The following KCNN2 variants were observed in gnomAD, a reference collection of about 807,000 sequenced individuals.
KCNN2 encodes small conductance calcium-activated potassium channel protein 2.
Under a neutral mutation model 55.5 loss-of-function variants are expected in KCNN2, and 24 were observed. That is an observed-to-expected ratio of 0.43 (90% confidence interval 0.31 to 0.61). The LOEUF (loss-of-function observed/expected upper bound fraction) is 0.61, where lower values mean the gene tolerates loss of function less well. Ranked by LOEUF, KCNN2 falls within the 20% of genes least tolerant of loss-of-function variation. The pLI is 0.08. For synonymous variants in KCNN2, 431 were observed against 336.1 expected (o/e 1.28, Z -3.09); for missense variants, 754 against 853.6 (o/e 0.88, Z 1.45).
At chr5:114,445,636 A>G (rs1336064055) in intron 3 of KCNN2, among the ~76,000 whole-genome samples, 2 of 152,242 alleles carry the variant, frequency 1.3e-5, no homozygotes, top group Non-Finnish European at 2.9e-5. Context: ...TAAAAAGATC[A>G]TCTCTATATG....
intron 2 of KCNN2, among the ~76,000 whole-genome samples, chr5:114,247,363 G>A (rs1754768687): frequency 6.6e-6 from 1 of 151,944 alleles, no homozygotes; most frequent in African/African-American, 2.4e-5. Context: ...GTCCATAAAT[G>A]TTCATGAAGT....
At chr5:114,125,246 T>A (rs560458541) in intron 1 of KCNN2, among the ~76,000 whole-genome samples, 1 of 152,214 alleles carries the variant, frequency 6.6e-6, no homozygotes, top group African/African-American at 2.4e-5. Flanking sequence ...CTCCAGTGTT[T>A]ACCCACCATC....
chr5:114,424,636 G>C (rs906192190), intron 3 of KCNN2, among the ~76,000 whole-genome samples: 16 of 152,204 alleles, frequency 1.1e-4, no homozygotes, highest in African/African-American at 3.9e-4. Flanking sequence ...CCAGGCACTG[G>C]AAACAGGAAA....
At chr5:114,238,927 A>G (rs1312119251) in intron 2 of KCNN2, among the ~76,000 whole-genome samples, 1 of 152,106 alleles carries the variant, frequency 6.6e-6, no homozygotes, top group East Asian at 1.9e-4. Context: ...TTTGAGCTTG[A>G]TGATAATGTC....
chr5:114,201,127 AC>A (rs1185034628), intron 1 of KCNN2, among the ~76,000 whole-genome samples: 6 of 151,778 alleles, frequency 4.0e-5, no homozygotes, highest in Non-Finnish European at 7.4e-5. Context: ...ATGCACTGGG[AC>A]CCAAGCAGTC....
chr5:114,369,112 G>T (rs1757689053), intron 2 of KCNN2, among the ~76,000 whole-genome samples: 1 of 152,098 alleles, frequency 6.6e-6, no homozygotes, highest in Non-Finnish European at 1.5e-5. Context: ...GAAAGGTATT[G>T]CCCACTAGTC....
chr5:114,122,780 A>C (rs1751851206), intron 1 of KCNN2, among the ~76,000 whole-genome samples: 1 of 152,228 alleles, frequency 6.6e-6, no homozygotes, highest in Admixed American at 6.5e-5. Context: ...GGATAGAGAG[A>C]GCAGGAGACA....
At chr5:114,373,224 G>T (rs1164698715) in intron 2 of KCNN2, among the ~76,000 whole-genome samples, 1 of 151,892 alleles carries the variant, frequency 6.6e-6, no homozygotes, top group African/African-American at 2.4e-5. Context: ...GCTTCCCTGT[G>T]GACTCCTCTA....
At chr5:114,167,547 A>G (rs1752940319) in intron 1 of KCNN2, among the ~76,000 whole-genome samples, 1 of 152,056 alleles carries the variant, frequency 6.6e-6, no homozygotes, top group Admixed American at 6.6e-5. Flanking sequence ...AGTTTATCCT[A>G]CTTAAGGCTA....
intron 1 of KCNN2, among the ~76,000 whole-genome samples, chr5:114,137,620 A>C (rs1034550053): frequency 1.3e-5 from 2 of 152,166 alleles, no homozygotes; most frequent in African/African-American, 4.8e-5. Context: ...TTAGAGTGGC[A>C]ATAATTCTTA....
chr5:114,297,749 A>T (rs928431303), intron 2 of KCNN2, among the ~76,000 whole-genome samples: 2 of 152,218 alleles, frequency 1.3e-5, no homozygotes, highest in Non-Finnish European at 2.9e-5. Flanking sequence ...TATAATATTG[A>T]TTTAGACATT....
chr5:114,210,988 G>T (rs1463552450), intron 1 of KCNN2, among the ~76,000 whole-genome samples: 1 of 151,992 alleles, frequency 6.6e-6, no homozygotes, highest in African/African-American at 2.4e-5. Flanking sequence ...GATCATTAGA[G>T]AAATGCAAAT....
At chr5:114,438,196 A>G (rs773710515) in intron 3 of KCNN2, among the ~76,000 whole-genome samples, 1 of 152,194 alleles carries the variant, frequency 6.6e-6, no homozygotes, top group Non-Finnish European at 1.5e-5. Context: ...AGTAGAACAC[A>G]CTTACTATAT....
chr5:114,342,406 A>G (rs1413847243), intron 2 of KCNN2, among the ~76,000 whole-genome samples: 2 of 152,282 alleles, frequency 1.3e-5, no homozygotes, highest in African/African-American at 4.8e-5. Context: ...GACAAGAATT[A>G]TAAAAATTCT....
chr5:114,488,011 A>T (rs1321569385), intron 6 of KCNN2, among the ~76,000 whole-genome samples: 3 of 152,222 alleles, frequency 2.0e-5, no homozygotes, highest in Admixed American at 6.6e-5. Context: ...CTCAGAGCCA[A>T]CTAGTATAAC....
At chr5:114,177,463 A>G (rs899391869) in intron 1 of KCNN2, among the ~76,000 whole-genome samples, 2 of 151,978 alleles carry the variant, frequency 1.3e-5, no homozygotes, top group Admixed American at 1.3e-4. Context: ...TGTATGTCAC[A>G]CATCACAAGT....
At chr5:114,374,615 C>T (rs1313338830) in intron 2 of KCNN2, among the ~76,000 whole-genome samples, 1 of 152,016 alleles carries the variant, frequency 6.6e-6, no homozygotes, top group African/African-American at 2.4e-5. Flanking sequence ...TATCAGGGAG[C>T]TTGTATCTTT....
chr5:114,226,900 CAAAAA>C (rs34719469), intron 2 of KCNN2, among the ~76,000 whole-genome samples: 1 of 86,718 alleles, frequency 1.2e-5, no homozygotes, highest in Non-Finnish European at 2.2e-5. Flanking sequence ...GACTCCGTCT[CAAAAA>C]AAAAAAAAAA....
At chr5:114,405,454 A>G (rs1415730955) in intron 3 of KCNN2, among the ~76,000 whole-genome samples, 1 of 152,214 alleles carries the variant, frequency 6.6e-6, no homozygotes, top group African/African-American at 2.4e-5. Context: ...CTAGGCATAT[A>G]TTCTCAGATT....
Sources: gnomAD v4.1 joint callset for allele counts (sites outside exome capture counted in the v4.1 genomes callset) on GRCh38, gnomAD v4.1.1 for gene constraint, MANE v1.5 for transcripts, NCBI Gene and HGNC (gene_info 2026-07-23, HGNC 2026-07-21) for gene names.